Variants in POMK observed in about 807,000 individuals in gnomAD.
POMK encodes protein O-mannose kinase, also known as Sugen kinase 196.
Under a neutral mutation model 23.0 loss-of-function variants are expected in POMK, and 19 were observed. The ratio of observed to expected loss-of-function variants is 0.83; its 90% confidence interval spans 0.58 to 1.21. POMK has a LOEUF of 1.21. Among genes scored for constraint, POMK ranks in the 50% most tolerant of loss-of-function variants. The pLI is 0.00. For synonymous variants in POMK, 173 were observed against 171.6 expected (o/e 1.01, Z -0.06); for missense variants, 410 against 431.3 (o/e 0.95, Z 0.44).
At chr8:43,108,272 G>A (rs1030256860) in intron 4 of POMK, among the ~76,000 whole-genome samples, 5 of 152,300 alleles carry the variant, frequency 3.3e-5, no homozygotes, top group African/African-American at 1.2e-4. Flanking sequence ...GGCTTTACAA[G>A]TACAAGTCAA....
intron 4 of POMK, among the ~76,000 whole-genome samples, chr8:43,114,933 AT>A (rs998645345): frequency 4.0e-5 from 6 of 151,652 alleles, no homozygotes; most frequent in Non-Finnish European, 8.8e-5. Context: ...TGGGAGTCAA[AT>A]TTTTTTTTCT....
At chr8:43,095,225 T>A (rs1328863986) in intron 1 of POMK, among the ~76,000 whole-genome samples, 1 of 152,180 alleles carries the variant, frequency 6.6e-6, no homozygotes, top group Non-Finnish European at 1.5e-5. Flanking sequence ...TGACCTTAGA[T>A]ATATTACTTC....
chr8:43,112,063 C>A (rs1037292643), intron 4 of POMK, among the ~76,000 whole-genome samples: 3 of 151,920 alleles, frequency 2.0e-5, no homozygotes, highest in African/African-American at 4.9e-5. Context: ...CAAAACTGGA[C>A]GGAGAATGAC....
intron 4 of POMK, among the ~76,000 whole-genome samples, chr8:43,115,465 T>C (rs1181270711): frequency 6.6e-6 from 1 of 152,234 alleles, no homozygotes; most frequent in Non-Finnish European, 1.5e-5. Flanking sequence ...CCTGCTGTTC[T>C]GGCCACCTAT....
intron 1 of POMK, among the ~76,000 whole-genome samples, chr8:43,095,930 G>A (rs1268256547): frequency 1.3e-5 from 2 of 152,218 alleles, no homozygotes; most frequent in African/African-American, 4.8e-5. Context: ...ATTGGAGAAG[G>A]AGGTGGCAGA....
chr8:43,118,889 C>T (rs540075218), intron 4 of POMK, among the ~76,000 whole-genome samples: 14 of 152,176 alleles, frequency 9.2e-5, no homozygotes, highest in African/African-American at 2.2e-4. Context: ...CTGCAAGCTC[C>T]GCCTCCACGG....
At chr8:43,115,700 A>G (rs1303013673) in intron 4 of POMK, among the ~76,000 whole-genome samples, 1 of 152,204 alleles carries the variant, frequency 6.6e-6, no homozygotes, top group East Asian at 1.9e-4. Flanking sequence ...TCTATTCTGA[A>G]CACAGCACTC....
intron 4 of POMK, among the ~76,000 whole-genome samples, chr8:43,105,261 A>G (rs1379298471): frequency 6.6e-6 from 1 of 152,238 alleles, no homozygotes; most frequent in Non-Finnish European, 1.5e-5. Context: ...CTATGGTGCT[A>G]TGAAACACTG....
chr8:43,114,331 A>G (rs542470412), intron 4 of POMK, among the ~76,000 whole-genome samples: 1 of 152,272 alleles, frequency 6.6e-6, no homozygotes, highest in South Asian at 2.1e-4. Context: ...CCCCTCCCCC[A>G]GGCTCGCTGC....
intron 4 of POMK, among the ~76,000 whole-genome samples, chr8:43,118,637 G>C (rs1811849656): frequency 6.6e-6 from 1 of 152,182 alleles, no homozygotes; most frequent in African/African-American, 2.4e-5. Flanking sequence ...TCCATGACTA[G>C]CAAATTTTTT....
intron 4 of POMK, among the ~76,000 whole-genome samples, chr8:43,114,359 T>C (rs1033271861): frequency 1.3e-5 from 2 of 152,190 alleles, no homozygotes. Context: ...CAGTTTGATC[T>C]CAGACTGCTG....
At chr8:43,100,583 T>C (rs1339231830) in intron 2 of POMK, among the ~76,000 whole-genome samples, 1 of 151,736 alleles carries the variant, frequency 6.6e-6, no homozygotes, top group Non-Finnish European at 1.5e-5. Context: ...GTTGAAGGAC[T>C]CAAGTGCTGG....
intron 4 of POMK, among the ~76,000 whole-genome samples, chr8:43,120,039 A>T (rs1357898705): frequency 6.7e-6 from 1 of 149,612 alleles, no homozygotes; most frequent in Non-Finnish European, 1.5e-5. Flanking sequence ...ATCTTGGAAA[A>T]TACCAAAAGA....
chr8:43,122,467 TA>T lies in POMK; in HGVS notation c.644del (p.Tyr215PhefsTer3). The T allele has an allele frequency of 6.2e-6, 10 of 1,614,172 alleles. No individual in the cohort carries two copies. The highest frequency in any genetic ancestry group is 8.5e-6 in the Non-Finnish European group (10 of 1,180,038). On this transcript the variant is annotated frameshift_variant, in exon 5 of 5. Coordinates refer to ENST00000331373, the MANE Select transcript of POMK (RefSeq NM_032237.5). LOFTEE classifies it high-confidence loss of function. ...SNDLPKTLSQYLLTSNFSILA... is the reference protein window; with the variant it reads ...SNDLPKTLSQXLLTSNFSILA... ...CGACCTGCCGAAGACACTGTCCCAG[TA>T]TCTGCTAACAAGCAACTTCAGCATT... is the stretch of plus-strand genomic sequence containing the variant.
At chr8:43,107,509 G>C (rs375301760) in intron 4 of POMK, among the ~76,000 whole-genome samples, 2 of 151,496 alleles carry the variant, frequency 1.3e-5, no homozygotes, top group Admixed American at 1.3e-4. Context: ...TGAGTAGCTG[G>C]GATTACAGGT....
At chr8:43,116,482 C>T (rs1010925822) in intron 4 of POMK, among the ~76,000 whole-genome samples, 4 of 152,068 alleles carry the variant, frequency 2.6e-5, no homozygotes, top group Non-Finnish European at 4.4e-5. Flanking sequence ...TTGCCCAGGC[C>T]GGTCTCGAAT....
At chr8:43,101,995 G>C (rs1351648590) in intron 2 of POMK, among the ~76,000 whole-genome samples, 2 of 152,112 alleles carry the variant, frequency 1.3e-5, no homozygotes, top group Non-Finnish European at 2.9e-5. Flanking sequence ...CTCCTCTCAG[G>C]CCTCTAGTCA....
intron 1 of POMK, among the ~76,000 whole-genome samples, 152 bp downstream of exon 1, chr8:43,093,715 T>A (rs991598262): frequency 1.4e-4 from 22 of 152,326 alleles, no homozygotes; most frequent in Admixed American, 1.4e-3. Context: ...GAGGCTGCGC[T>A]GGGCCTGAGC....
intron 4 of POMK, among the ~76,000 whole-genome samples, chr8:43,118,173 A>C (rs1241278692): frequency 1.3e-5 from 2 of 152,198 alleles, no homozygotes; most frequent in Non-Finnish European, 2.9e-5. Flanking sequence ...GTAAAAGCTT[A>C]CTGGAAATAC....
Sources: gnomAD v4.1 joint callset for allele counts (sites outside exome capture counted in the v4.1 genomes callset) on GRCh38, gnomAD v4.1.1 for gene constraint, MANE v1.5 for transcripts, NCBI Gene and HGNC (gene_info 2026-07-23, HGNC 2026-07-21) for gene names.